ZCCHC8: variants seen among roughly 807,000 people sequenced by gnomAD.
ZCCHC8 encodes the protein zinc finger CCHC-type containing 8, also known as zinc finger CCHC domain-containing protein 8.
In ZCCHC8, 27 loss-of-function variants were observed where a neutral mutation model predicts 70.6. The ratio of observed to expected loss-of-function variants is 0.38; its 90% CI spans 0.28 to 0.53. ZCCHC8 has a LOEUF of 0.53. Ranked by LOEUF, ZCCHC8 falls within the 20% of genes least tolerant of loss-of-function variation. ZCCHC8 has a pLI of 0.81. For synonymous variants in ZCCHC8, 293 were observed against 317.4 expected (o/e 0.92, Z 0.82); for missense variants, 737 against 876.9 (o/e 0.84, Z 2.01).
At chr12:122,474,731 G>A (rs1481906392) in intron 13 of ZCCHC8, among the ~76,000 whole-genome samples, 1 of 144,596 alleles carries the variant, frequency 6.9e-6, no homozygotes, top group Admixed American at 6.8e-5. Flanking sequence ...TTATTTCCTA[G>A]CTCTTTTTTT....
intron 13 of ZCCHC8, among the ~76,000 whole-genome samples, chr12:122,477,445 C>T (rs1319343654): frequency 2.9e-4 from 43 of 148,698 alleles, no homozygotes; most frequent in Non-Finnish European, 4.6e-4. Flanking sequence ...TGAGCCACCG[C>T]GCCCGGCTTA....
At chr12:122,479,318 C>T (rs1307479540) in intron 11 of ZCCHC8, among the ~76,000 whole-genome samples, 3 of 152,174 alleles carry the variant, frequency 2.0e-5, no homozygotes, top group African/African-American at 7.2e-5. Context: ...TCCAGGTGAT[C>T]CACCCGCCTT....
chr12:122,474,207 T>A lies in ZCCHC8; in HGVS notation c.1414A>T (p.Thr472Ser), dbSNP rs766488349. 1.3e-6 allele frequency: 2 copies of A among 1,498,894 alleles called. No individual in the cohort carries two copies. Among genetic ancestry groups the A allele is most frequent in the Non-Finnish European group, 1.8e-6 (2 of 1,131,906 alleles). 92.8% of individuals were successfully genotyped at this position (1,498,894 alleles called of 1,614,324 possible). Reference protein sequence around the residue: ...FQFQPPLPPDTPPLPRGTPPP... With the variant: ...FQFQPPLPPDSPPLPRGTPPP... ...GGAGTTCCCCGGGGGAGTGGAGGAG[T>A]GTCAGGAGGTAATGGTGGTTGAAAC... The change falls in exon 14 of 14, where the codon ACT (threonine) becomes TCT (serine). Residue 472 changes from threonine (T) to serine (S), a missense_variant. Physicochemically the swap from Thr to Ser is moderately conservative, Grantham distance 58. Coordinates refer to ENST00000633063, the MANE Select transcript of ZCCHC8 (RefSeq NM_017612.5).
chr12:122,493,277 G>T (rs1469579449), intron 2 of ZCCHC8, among the ~76,000 whole-genome samples: 1 of 151,884 alleles, frequency 6.6e-6, no homozygotes, highest in African/African-American at 2.4e-5. Context: ...TTTATACAGA[G>T]GTATCACTTT....
rs1957348886 is a variant in ZCCHC8, at chr12:122,473,377, C to T, written c.*120G>A. On this transcript the variant is annotated 3_prime_UTR_variant, in exon 14 of 14. Transcript: ENST00000633063. ...AATAGGCTTGACTTTGGAACATGAA[C>T]CTTGGATAGATTTTTAAACATGGGA... The T allele has an allele frequency of 8.6e-7, 1 of 1,158,004 alleles. No homozygotes were observed. The highest frequency in any genetic ancestry group is 1.2e-6 in the Non-Finnish European group (1 of 835,012). 71.7% of individuals were successfully genotyped at this position (1,158,004 alleles called of 1,614,324 possible).
In ZCCHC8 at chr12:122,489,362, C is replaced by A. The variant is rs1275064068; in HGVS notation, c.501+24G>T. On this transcript the variant is annotated intron_variant, in intron 5 of 13. Coordinates refer to ENST00000633063, the MANE Select transcript of ZCCHC8 (RefSeq NM_017612.5). ...ATAGGAAACACCTATTGGCTGAATT[C>A]AAAACTGAAATGTCCAAACTTACAC... 1.9e-6 allele frequency: 3 copies of A among 1,610,448 alleles called. No homozygotes were observed. The South Asian group carries it at 3.3e-5, about 18-fold the overall frequency.
chr12:122,498,181 G>A (rs913681979), intron 2 of ZCCHC8, among the ~76,000 whole-genome samples: 6 of 125,330 alleles, frequency 4.8e-5, no homozygotes, highest in African/African-American at 1.3e-4. Flanking sequence ...TTTTTCAGAC[G>A]GAGTTTCGCT....
At chr12:122,480,691 C>T (rs1957515531) in intron 10 of ZCCHC8, 1 of 155,130 alleles carries the variant, frequency 6.4e-6, no homozygotes, top group Non-Finnish European at 1.4e-5. Context: ...AGGCTGGTCT[C>T]AAACTCCTGA....
At chr12:122,476,963 A>C (rs1462964621) in intron 13 of ZCCHC8, among the ~76,000 whole-genome samples, 1 of 151,390 alleles carries the variant, frequency 6.6e-6, no homozygotes, top group Non-Finnish European at 1.5e-5. Context: ...CGGAGGTTGC[A>C]GTGAGCCAAG....
At chr12:122,491,734 A>G (rs1317169000) in intron 3 of ZCCHC8, among the ~76,000 whole-genome samples, 2 of 151,860 alleles carry the variant, frequency 1.3e-5, no homozygotes, top group Non-Finnish European at 2.9e-5. Context: ...AGGCTGCGGC[A>G]GGAGAATCAC....
intron 2 of ZCCHC8, among the ~76,000 whole-genome samples, chr12:122,494,559 CAA>C (rs148969205): frequency 1.8e-4 from 16 of 88,240 alleles, no homozygotes; most frequent in African/African-American, 2.1e-4. Context: ...GACTCTGTTT[CAA>C]AAAAAAAAAA....
At chr12:122,491,347 G>A (rs1422715534) in intron 3 of ZCCHC8, among the ~76,000 whole-genome samples, 1 of 152,078 alleles carries the variant, frequency 6.6e-6, no homozygotes, top group Admixed American at 6.6e-5. Context: ...TGGCCAACAT[G>A]GCGAAACCCT....
At chr12:122,474,776 C>G (rs527491934) in intron 13 of ZCCHC8, among the ~76,000 whole-genome samples, 130 of 111,414 alleles carry the variant, frequency 1.2e-3, no homozygotes, top group African/African-American at 3.4e-3. Flanking sequence ...ACTCTGCCAC[C>G]CAGGCTGGAG....
In ZCCHC8 at chr12:122,474,134, G is replaced by T; in HGVS notation, c.1487C>A (p.Thr496Asn). The part of the protein sequence containing the change: ...PPLPKGTPPL[T>N]PSDSPQTRTA... ...TCTGGTCTGGGGTGAGTCACTGGGA[G>T]TCAGCGGCGGGGTGCCCTTTGGGAG... The change falls in exon 14 of 14, where the codon ACT becomes AAT. Residue 496 changes from threonine (T) to asparagine (N), a missense_variant. Thr to Asn is a moderately conservative substitution (Grantham distance 65). Transcript: ENST00000633063. 1 of 1,509,506 alleles carries T rather than the reference G, an allele frequency of 6.6e-7. No homozygotes were observed. Among genetic ancestry groups the T allele is most frequent in the Non-Finnish European group, 8.8e-7 (1 of 1,134,312 alleles). The allele number at this position is 1,509,506 out of a possible 1,614,324, so 93.5% of individuals were successfully genotyped here.
rs79351254 is a variant in ZCCHC8, at chr12:122,481,142, T to C, written c.1018+380A>G. On this transcript the variant is annotated intron_variant, in intron 10 of 13. Coordinates refer to ENST00000633063, the MANE Select transcript of ZCCHC8 (RefSeq NM_017612.5). ...TTTCCTTTTCATATGTGTGAATATC[T>C]TTCTAGGGTAGGTATCTAGGAGAGA... 5.2e-3 allele frequency: 809 copies of C among 156,024 alleles called. 9 individuals are homozygous for C. The highest frequency in any genetic ancestry group is 0.018 in the African/African-American group (766 of 41,712). The allele number at this position is 156,024 out of a possible 1,614,324, so 9.7% of individuals were successfully genotyped here. A position where few individuals can be genotyped will look rare whatever the true frequency, so the allele number is the denominator to read the frequency against.
At chr12:122,492,964 G>A (rs1001217756) in intron 2 of ZCCHC8, among the ~76,000 whole-genome samples, 175 bp from the exon 3 acceptor site, 2 of 151,724 alleles carry the variant, frequency 1.3e-5, no homozygotes, top group African/African-American at 4.8e-5. Flanking sequence ...TCCGCCTCCC[G>A]AGATCAAGCA....
At chr12:122,477,443 C>T (rs1456908923) in intron 13 of ZCCHC8, among the ~76,000 whole-genome samples, 3 of 148,692 alleles carry the variant, frequency 2.0e-5, no homozygotes, top group East Asian at 2.1e-4. Context: ...CGTGAGCCAC[C>T]GCGCCCGGCT....
At chr12:122,479,703 G>A (rs1011008284) in intron 11 of ZCCHC8, among the ~76,000 whole-genome samples, 1 of 152,056 alleles carries the variant, frequency 6.6e-6, no homozygotes, top group South Asian at 2.1e-4. Flanking sequence ...CCCTTTCTGA[G>A]GGCACAAAAT....
At chr12:122,484,380 G>C (rs1382668419) in intron 5 of ZCCHC8, among the ~76,000 whole-genome samples, 1 of 149,648 alleles carries the variant, frequency 6.7e-6, no homozygotes, top group Non-Finnish European at 1.5e-5. Context: ...TTACAGCCGT[G>C]AACCACTGCA....
Sources: gnomAD v4.1 joint callset for allele counts (sites outside exome capture counted in the v4.1 genomes callset) on GRCh38, gnomAD v4.1.1 for gene constraint, MANE v1.5 for transcripts, NCBI Gene and HGNC (gene_info 2026-07-23, HGNC 2026-07-21) for gene names.